MYO9A: variants seen among roughly 807,000 people sequenced by gnomAD.
The protein encoded by MYO9A is myosin IXA.
Under a neutral mutation model 293.3 loss-of-function variants are expected in MYO9A, and 103 were observed. The observed-to-expected ratio is 0.35, with a 90% CI of 0.30 to 0.41. The LOEUF is 0.41. Ranked by LOEUF, MYO9A falls within the 10% of genes least tolerant of loss-of-function variation. The pLI, the probability that MYO9A is intolerant of heterozygous loss-of-function variation, is 1.00. For synonymous variants in MYO9A, 1,001 were observed against 1,035.7 expected (o/e 0.97, Z 0.64); for missense variants, 2,685 against 3,033.0 (o/e 0.89, Z 2.69).
chr15:71,967,966 A>G lies in MYO9A; in HGVS notation c.1986+18T>C. ...ACATCTCTGCCCTGTAAGCATATTC[A>G]GTGAGAAATTTACTGACCTTTACCC... is the stretch of plus-strand genomic sequence containing the variant. On this transcript the variant is annotated intron_variant, in intron 13 of 41. Transcript: ENST00000356056. 2 of 1,596,392 alleles carry G rather than the reference A, an allele frequency of 1.3e-6. No individual in the cohort carries two copies. The highest frequency in any genetic ancestry group is 1.7e-6 in the Non-Finnish European group (2 of 1,171,058).
At chr15:71,962,892 T>C (rs781581601) in intron 13 of MYO9A, among the ~76,000 whole-genome samples, 73 of 152,304 alleles carry the variant, frequency 4.8e-4, no homozygotes, top group Admixed American at 1.0e-3. Context: ...TAATCTGTCT[T>C]CATATTTCTA....
chr15:71,957,519 T>C (rs1418857127), intron 14 of MYO9A, among the ~76,000 whole-genome samples: 1 of 152,174 alleles, frequency 6.6e-6, no homozygotes, highest in African/African-American at 2.4e-5. Context: ...TTAAATCTAT[T>C]AAGTACTAGG....
chr15:72,033,286 CA>C lies in MYO9A; in HGVS notation c.841-699del, dbSNP rs572695349. Among the ~76,000 whole-genome samples the C allele has an allele frequency of 5.0e-3, 767 of 152,026 alleles. 4 individuals are homozygous for C. Among genetic ancestry groups the C allele is most frequent in the Non-Finnish European group, 8.4e-3 (571 of 67,982 alleles). On this transcript the variant is annotated intron_variant, in intron 2 of 41. Transcript: ENST00000356056. ...TAAAAAATTTGCTAAACTGAAGTAA[CA>C]AGGAGTTAGGAAAATAATAATTACA...
intron 18 of MYO9A, among the ~76,000 whole-genome samples, chr15:71,919,243 C>A (rs963474078): frequency 1.1e-4 from 17 of 152,094 alleles, no homozygotes; most frequent in African/African-American, 3.9e-4. Flanking sequence ...GAGTTGGAGA[C>A]CAGCCTGGGC....
chr15:71,906,976 G>A (rs2057677403), intron 19 of MYO9A, among the ~76,000 whole-genome samples: 1 of 147,324 alleles, frequency 6.8e-6, no homozygotes, highest in African/African-American at 2.5e-5. Flanking sequence ...AAGTGTTAGG[G>A]TACATGTGCA....
rs1263214968 is a variant in MYO9A, at chr15:72,080,374, T to G, written c.-71-33740A>C. Among the ~76,000 whole-genome samples, 6 of 149,654 alleles carry G rather than the reference T, an allele frequency of 4.0e-5. No homozygotes were observed. The Admixed American group carries it at 4.1e-4, about 10-fold the overall frequency. The stretch of plus-strand genomic sequence containing the variant: ...TCCTTGATAAGGACAAATATGGCCA[T>G]GAGAAGTTTCTCTGGGAGTTTCATC... On this transcript the variant is annotated intron_variant, in intron 1 of 41. Coordinates refer to ENST00000356056, the MANE Select transcript of MYO9A (RefSeq NM_006901.4).
chr15:71,912,682 T>G lies in MYO9A; in HGVS notation c.2685+3688A>C, dbSNP rs186141815. Among the ~76,000 whole-genome samples the G allele has an allele frequency of 2.2e-4, 33 of 152,360 alleles. 1 individual carries two copies. Among genetic ancestry groups the G allele is most frequent in the Admixed American group, 2.2e-3 (33 of 15,310 alleles). On this transcript the variant is annotated intron_variant, in intron 19 of 41. Transcript: ENST00000356056. Reference sequence around the variant, plus strand: ...TCTTCCATGTTTAAAATTTCTGATATTATAGATCTGCTGGTAATAAATTCT... The same window carrying G: ...TCTTCCATGTTTAAAATTTCTGATAGTATAGATCTGCTGGTAATAAATTCT...
chr15:71,999,738 A>G (rs1454300749), intron 9 of MYO9A, 113 bp downstream of exon 9: 1 of 701,386 alleles, frequency 1.4e-6, no homozygotes, highest in African/African-American at 1.8e-5. Flanking sequence ...AAATATTTCA[A>G]TCAAAACTTT....
At chr15:71,911,085 C>T (rs1270607444) in intron 19 of MYO9A, among the ~76,000 whole-genome samples, 2 of 152,196 alleles carry the variant, frequency 1.3e-5, no homozygotes, top group African/African-American at 4.8e-5. Flanking sequence ...TCAATAACCA[C>T]TTGAGAAGCA....
chr15:72,044,199 G>A (rs1276808223), intron 2 of MYO9A, among the ~76,000 whole-genome samples: 1 of 151,972 alleles, frequency 6.6e-6, no homozygotes, highest in Non-Finnish European at 1.5e-5. Context: ...CTGAGGTTGG[G>A]AGTTCAAGAC....
chr15:71,979,716 C>G (rs897198779), intron 11 of MYO9A, among the ~76,000 whole-genome samples: 1 of 152,168 alleles, frequency 6.6e-6, no homozygotes, highest in Admixed American at 6.5e-5. Context: ...GCCCAAAAAG[C>G]CTTAAAAGAT....
intron 11 of MYO9A, among the ~76,000 whole-genome samples, chr15:71,981,743 T>C (rs2076278290): frequency 6.6e-6 from 1 of 151,982 alleles, no homozygotes; most frequent in African/African-American, 2.4e-5. Flanking sequence ...TGGTTGATCC[T>C]CTCCCATGGT....
At chr15:71,838,009 GT>G (rs1442620988) in intron 39 of MYO9A, among the ~76,000 whole-genome samples, 1 of 151,862 alleles carries the variant, frequency 6.6e-6, no homozygotes, top group Non-Finnish European at 1.5e-5. Context: ...CTCTTGTAGT[GT>G]TTTTTTCCAT....
chr15:72,070,688 C>CA (rs2079164866), intron 1 of MYO9A, among the ~76,000 whole-genome samples: 1 of 151,324 alleles, frequency 6.6e-6, no homozygotes, highest in South Asian at 2.1e-4. Flanking sequence ...GATTCCATCT[C>CA]AAAAAAGAAA....
chr15:72,010,705 GTTAAC>G (rs1471863736), intron 6 of MYO9A, among the ~76,000 whole-genome samples: 5 of 152,134 alleles, frequency 3.3e-5, no homozygotes, highest in African/African-American at 9.7e-5. Flanking sequence ...GATTTCAAAA[GTTAAC>G]TTAAGATAAA....
chr15:71,967,691 T>A (rs1182375018), intron 13 of MYO9A, among the ~76,000 whole-genome samples: 2 of 152,198 alleles, frequency 1.3e-5, no homozygotes, highest in African/African-American at 4.8e-5. Flanking sequence ...ATTATGTGCA[T>A]AAACAAGTGA....
At position 71,827,930 on chromosome 15, in the gene MYO9A, T is replaced by C; in HGVS notation, c.7137A>G (p.Ser2379=). 2 of 1,613,872 alleles carry C rather than the reference T, an allele frequency of 1.2e-6. No individual in the cohort carries two copies. Among genetic ancestry groups the C allele is most frequent in the Non-Finnish European group, 1.7e-6 (2 of 1,179,822 alleles). Reference sequence around the variant, plus strand: ...ATTCAGACTCCATATTCAAATTCTCTGAGCTATCAGCAGTCCCAATGGAGG... The same window carrying C: ...ATTCAGACTCCATATTCAAATTCTCCGAGCTATCAGCAGTCCCAATGGAGG... The part of the protein sequence containing the change: ...SEASIGTADS[S]ENLNMESEYA... Residue 2379 remains serine (S), a synonymous_variant, in exon 41 of 42, where the codon TCA becomes TCG. Coordinates refer to ENST00000356056, the MANE Select transcript of MYO9A (RefSeq NM_006901.4).
In MYO9A at chr15:71,968,764, G is replaced by A. The variant is rs117354359; in HGVS notation, c.1845-639C>T. 6.7e-3 allele frequency among the ~76,000 whole-genome samples: 1,023 copies of A among 152,288 alleles called. 7 individuals are homozygous for A. The highest frequency in any genetic ancestry group is 0.01 in the Non-Finnish European group (692 of 68,014). On this transcript the variant is annotated intron_variant, in intron 12 of 41. Transcript: ENST00000356056. ...GTAAATAATGAAAAAGTTCACACAG[G>A]ACATAGTAGGTGTTAAGACTGTGAT... is the stretch of plus-strand genomic sequence containing the variant.
At chr15:71,899,198 C>T (rs1486237428) in intron 24 of MYO9A, among the ~76,000 whole-genome samples, 166 bp from the exon 25 acceptor site, 1 of 152,118 alleles carries the variant, frequency 6.6e-6, no homozygotes, top group Non-Finnish European at 1.5e-5. Context: ...TTCCTATTTC[C>T]ATGAGTCAGA....
Sources: allele counts gnomAD v4.1 joint callset (sites outside exome capture counted in the v4.1 genomes callset), GRCh38; gene constraint gnomAD v4.1.1; transcripts MANE v1.5; gene names NCBI Gene and HGNC (gene_info 2026-07-23, HGNC 2026-07-21).